The following USP34 variants were observed in gnomAD, a reference collection of about 807,000 sequenced individuals.
USP34 encodes ubiquitin carboxyl-terminal hydrolase 34.
Under a neutral mutation model 460.3 loss-of-function variants are expected in USP34, and 70 were observed. The observed-to-expected ratio is 0.15, with a 90% CI of 0.13 to 0.19. The LOEUF (loss-of-function observed/expected upper bound fraction) is 0.19. Ranked by LOEUF, USP34 falls within the 10% of genes least tolerant of loss-of-function variation. USP34 has a pLI of 1.00. For synonymous variants in USP34, 1,647 were observed against 1,405.3 expected, an observed-to-expected ratio of 1.17 and a Z score of -3.85; for missense variants, 3,985 against 4,236.2, an observed-to-expected ratio of 0.94 and a Z score of 1.65.
chr2:61,221,519 G>T lies in USP34; in HGVS notation c.7882C>A (p.Leu2628Met), dbSNP rs746674380. The part of the protein sequence containing the change: ...PGMPPFASYI[L>M]QRIWEVIEYN... ...AGACTTACCTCCCATATCCTCTGCA[G>T]AATATAAGATGCAAAGGGAGGCATT... The change falls in exon 66 of 80, where the codon CTG becomes ATG. Residue 2628 changes from leucine (L) to methionine (M), a missense_variant. By Grantham distance (15) the Leu-to-Met change is conservative (BLOSUM62 2). Around this residue, in one of 14 missense-constraint regions of USP34, gnomAD observed 604 missense variants for 684.8 expected, o/e 0.88. Transcript: ENST00000398571. The T allele has an allele frequency of 3.1e-6, 5 of 1,613,856 alleles. No individual in the cohort carries two copies. In the Admixed American group the frequency reaches 8.3e-5, roughly 27 times the overall value.
intron 49 of USP34, 99 bp downstream of exon 49, chr2:61,248,412 T>G: frequency 8.1e-7 from 1 of 1,229,500 alleles, no homozygotes; most frequent in Non-Finnish European, 1.1e-6. Context: ...AGATTCAATT[T>G]TTGTTAACTG....
intron 20 of USP34, among the ~76,000 whole-genome samples, chr2:61,326,068 C>A (rs1030352896): frequency 6.6e-6 from 1 of 152,030 alleles, no homozygotes; most frequent in Non-Finnish European, 1.5e-5. Flanking sequence ...AATAGATCAA[C>A]AAGAGACAGA....
At chr2:61,407,831 G>C (rs1416379224) in intron 2 of USP34, among the ~76,000 whole-genome samples, 1 of 152,126 alleles carries the variant, frequency 6.6e-6, no homozygotes, top group Non-Finnish European at 1.5e-5. Flanking sequence ...AACCAGCACT[G>C]AGGCTGGGTG....
chr2:61,252,903 A>G lies in USP34; in HGVS notation c.6221+3481T>C, dbSNP rs139290747. 5.9e-5 allele frequency among the ~76,000 whole-genome samples: 9 copies of G among 152,296 alleles called. No individual in the cohort carries two copies. In the East Asian group the frequency reaches 1.7e-3, roughly 29 times the overall value. ...ATTCTAAACTAAGATGACAAAACAAAACAAAACACATCACTAAACTACCTT... is the reference window on the plus strand; with the variant it reads ...ATTCTAAACTAAGATGACAAAACAAGACAAAACACATCACTAAACTACCTT... On this transcript the variant is annotated intron_variant, in intron 48 of 79. Coordinates refer to ENST00000398571, the MANE Select transcript of USP34 (RefSeq NM_014709.4).
intron 3 of USP34, among the ~76,000 whole-genome samples, chr2:61,395,742 C>T (rs1468484496): frequency 6.7e-5 from 9 of 135,310 alleles, no homozygotes; most frequent in Admixed American, 2.4e-4. Flanking sequence ...GCGGAGATCG[C>T]GCCACAGCAC....
intron 3 of USP34, among the ~76,000 whole-genome samples, chr2:61,405,089 C>T (rs1157108585): frequency 6.6e-6 from 1 of 151,438 alleles, no homozygotes; most frequent in Admixed American, 6.6e-5. Flanking sequence ...TAAACTTAGC[C>T]AGGTGTGGTG....
chr2:61,314,980 A>G lies in USP34; in HGVS notation c.3283-6T>C, dbSNP rs1467350072. The G allele has an allele frequency of 4.4e-6, 7 of 1,601,830 alleles. No individual in the cohort carries two copies. Among genetic ancestry groups the G allele is most frequent in the South Asian group, 2.3e-5 (2 of 88,022 alleles). ...AATTGGTCCATACCACACAGCTAAG[A>G]AAGAAAAATATGGTATCTCTAAATT... On this transcript the variant is annotated splice_region_variant and splice_polypyrimidine_tract_variant and intron_variant, in intron 23 of 79. Coordinates refer to ENST00000398571, the MANE Select transcript of USP34 (RefSeq NM_014709.4).
At chr2:61,377,372 A>T (rs763581862) in intron 8 of USP34, among the ~76,000 whole-genome samples, 2 of 152,154 alleles carry the variant, frequency 1.3e-5, no homozygotes, top group Non-Finnish European at 2.9e-5. Flanking sequence ...TGAGATTTTT[A>T]AAACTGATTT....
At position 61,196,339 on chromosome 2, in the gene USP34, C is replaced by G. The variant is rs1686808995; in HGVS notation, c.9509-3359G>C. Reference sequence around the variant, plus strand: ...TCTCCTGACCTCGTGATCCACCCACCTTGACCTCCCAAAGTGCTGGGATTA... The same window carrying G: ...TCTCCTGACCTCGTGATCCACCCACGTTGACCTCCCAAAGTGCTGGGATTA... On this transcript the variant is annotated intron_variant, in intron 75 of 79. Transcript: ENST00000398571. 4.0e-5 allele frequency among the ~76,000 whole-genome samples: 6 copies of G among 151,536 alleles called. No individual in the cohort carries two copies. The South Asian group carries it at 1.3e-3, about 32-fold the overall frequency.
chr2:61,389,010 A>G (rs917915349), intron 5 of USP34, among the ~76,000 whole-genome samples: 1 of 152,208 alleles, frequency 6.6e-6, no homozygotes, highest in Non-Finnish European at 1.5e-5. Context: ...CGGCATTTAA[A>G]AAAAACAACC....
intron 59 of USP34, 64 bp downstream of exon 59, chr2:61,229,484 A>AAC (rs1687829848): frequency 3.8e-6 from 3 of 798,802 alleles, no homozygotes; most frequent in Admixed American, 8.6e-5. Context: ...AACAAAAAAA[A>AAC]AAAACAAAAA....
chr2:61,412,140 GATCA>G (rs1389046925), intron 2 of USP34, among the ~76,000 whole-genome samples: 3 of 136,070 alleles, frequency 2.2e-5, no homozygotes, highest in Non-Finnish European at 4.6e-5. Context: ...AGTGAGCCGA[GATCA>G]TGCCACTGCA....
At chr2:61,349,380 A>T in intron 12 of USP34, 95 bp from the exon 13 acceptor site, 1 of 1,329,370 alleles carries the variant, frequency 7.5e-7, no homozygotes. Context: ...AATCAACAAG[A>T]TGTAAGTGGA....
intron 29 of USP34, among the ~76,000 whole-genome samples, chr2:61,298,573 T>C (rs76403584): frequency 1.3e-3 from 68 of 50,460 alleles, no homozygotes; most frequent in African/African-American, 3.8e-3. Context: ...AAAAAAAAAA[T>C]CTGCTGAAAC....
At chr2:61,217,277 T>A (rs1157289389) in intron 67 of USP34, among the ~76,000 whole-genome samples, 1 of 152,246 alleles carries the variant, frequency 6.6e-6, no homozygotes, top group African/African-American at 2.4e-5. Flanking sequence ...TCTAGTTGTA[T>A]GCTACAAAAA....
At chr2:61,221,480 A>C in intron 66 of USP34, 22 bp downstream of exon 66, 2 of 1,589,976 alleles carry the variant, frequency 1.3e-6, no homozygotes, top group Non-Finnish European at 1.7e-6. Context: ...TAAACATTGA[A>C]AACACCTGCT....
At chr2:61,256,522 A>G in intron 47 of USP34, 44 bp from the exon 48 acceptor site, 1 of 1,436,640 alleles carries the variant, frequency 7.0e-7, no homozygotes, top group Non-Finnish European at 9.4e-7. Context: ...TATTGTTTAT[A>G]GCATGCAAAT....
intron 2 of USP34, among the ~76,000 whole-genome samples, chr2:61,408,138 T>C (rs904227193): frequency 6.6e-5 from 10 of 151,856 alleles, no homozygotes; most frequent in African/African-American, 9.7e-5. Flanking sequence ...ATAAATAAAA[T>C]AAACAACCAG....
In USP34 at chr2:61,326,129, A is replaced by C. The variant is rs571342600; in HGVS notation, c.2931-672T>G. ...GAAGAGATAGAAAAGGAAGTCAGGGAAGAGTGCTGGTGAGTGGGGGTGAGG... is the reference window on the plus strand; with the variant it reads ...GAAGAGATAGAAAAGGAAGTCAGGGCAGAGTGCTGGTGAGTGGGGGTGAGG... On this transcript the variant is annotated intron_variant, in intron 20 of 79. Transcript: ENST00000398571. Among the ~76,000 whole-genome samples the C allele has an allele frequency of 5.1e-3, 777 of 152,174 alleles. 5 individuals are homozygous for C. The highest frequency in any genetic ancestry group is 0.018 in the African/African-American group (756 of 41,518).
Sources: allele counts gnomAD v4.1 joint callset (sites outside exome capture counted in the v4.1 genomes callset), GRCh38; gene constraint gnomAD v4.1.1; regional missense constraint gnomAD v4.1.1; transcripts MANE v1.5; gene names NCBI Gene and HGNC (gene_info 2026-07-23, HGNC 2026-07-21).